The following MIPOL1 variants were observed in gnomAD, a reference collection of about 807,000 sequenced individuals.
The protein encoded by MIPOL1 is mirror-image polydactyly gene 1 protein.
A neutral mutation model predicts 60.9 loss-of-function variants in MIPOL1; 57 were observed. The observed-to-expected ratio is 0.94, with a 90% CI of 0.76 to 1.17. The LOEUF is 1.17. MIPOL1 is among the 50% of genes most tolerant of loss of function. The pLI, the probability that MIPOL1 is intolerant of heterozygous loss-of-function variation, is 0.00. For missense variants in MIPOL1, 551 were observed against 511.6 expected (o/e 1.08, Z -0.74); for synonymous variants, 179 against 168.8 (o/e 1.06, Z -0.47).
intron 7 of MIPOL1, among the ~76,000 whole-genome samples, chr14:37,298,184 AAAAC>A (rs1273473395): frequency 1.3e-5 from 2 of 152,200 alleles, no homozygotes; most frequent in Non-Finnish European, 2.9e-5. Context: ...AAACCTGAGA[AAAAC>A]AAGCAATGGG....
intron 12 of MIPOL1, among the ~76,000 whole-genome samples, chr14:37,542,538 G>A (rs1379806384): frequency 1.3e-5 from 2 of 151,994 alleles, no homozygotes; most frequent in Non-Finnish European, 2.9e-5. Flanking sequence ...TTATACCTGT[G>A]TGTTATTTCC....
intron 11 of MIPOL1, among the ~76,000 whole-genome samples, chr14:37,470,087 T>C (rs2153588351): frequency 6.6e-6 from 1 of 152,186 alleles, no homozygotes; most frequent in Middle Eastern, 3.4e-3. Flanking sequence ...TAGATGGTGA[T>C]GCCTAAGGAA....
chr14:37,398,562 C>T (rs748128149), intron 10 of MIPOL1, among the ~76,000 whole-genome samples: 12 of 152,150 alleles, frequency 7.9e-5, no homozygotes, highest in Non-Finnish European at 1.5e-4. Context: ...CAATAATAGC[C>T]ATTTTAGGCA....
At chr14:37,476,895 CT>C (rs869027204) in intron 11 of MIPOL1, among the ~76,000 whole-genome samples, 5,840 of 87,484 alleles carry the variant, frequency 0.067, 94 homozygotes, top group East Asian at 0.19. Context: ...CTTGTAATGT[CT>C]TTTTTTTTTT....
At chr14:37,514,184 GCTTTTCCCTT>G (rs2095351189) in intron 12 of MIPOL1, among the ~76,000 whole-genome samples, 1 of 152,068 alleles carries the variant, frequency 6.6e-6, no homozygotes, top group Admixed American at 6.6e-5. Flanking sequence ...TAACAGGTAC[GCTTTTCCCTT>G]CTTTTGTTCT....
chr14:37,212,809 G>C (rs1429752368), intron 1 of MIPOL1, among the ~76,000 whole-genome samples: 1 of 152,192 alleles, frequency 6.6e-6, no homozygotes, highest in African/African-American at 2.4e-5. Flanking sequence ...CATAGTCATA[G>C]TGGTGGTGGC....
chr14:37,371,826 G>A (rs1275860989), intron 10 of MIPOL1, among the ~76,000 whole-genome samples: 1 of 151,884 alleles, frequency 6.6e-6, no homozygotes, highest in Non-Finnish European at 1.5e-5. Context: ...TTTATTTGAT[G>A]CATTAATTAT....
At chr14:37,359,337 G>A (rs2092075690) in intron 9 of MIPOL1, among the ~76,000 whole-genome samples, 1 of 152,188 alleles carries the variant, frequency 6.6e-6, no homozygotes, top group African/African-American at 2.4e-5. Context: ...GGTTCCATAT[G>A]AACTTTAAAG....
At chr14:37,245,469 G>A (rs1317021525) in intron 1 of MIPOL1, among the ~76,000 whole-genome samples, 1 of 152,014 alleles carries the variant, frequency 6.6e-6, no homozygotes, top group Non-Finnish European at 1.5e-5. Context: ...GTGACATCAA[G>A]GGCAAAGCAA....
chr14:37,282,427 A>G (rs72671737), intron 6 of MIPOL1, among the ~76,000 whole-genome samples: 9,481 of 151,950 alleles, frequency 0.062, 549 homozygotes, highest in East Asian at 0.32. Context: ...ATTGTTGCAG[A>G]TTAATATACA....
chr14:37,543,540 G>A lies in MIPOL1; in HGVS notation c.1263-3365G>A, dbSNP rs563129933. ...GATCTGCCCGTCTCGGCCTCCCAAA[G>A]TGATGGGACTACAGGCGTGAGCCAC... is the stretch of plus-strand genomic sequence containing the variant. On this transcript the variant is annotated intron_variant, in intron 12 of 12. Transcript: ENST00000684589. Among the ~76,000 whole-genome samples, 16 of 152,314 alleles carry A rather than the reference G, an allele frequency of 1.1e-4. No individual in the cohort carries two copies. The East Asian group carries it at 3.1e-3, about 29-fold the overall frequency.
At chr14:37,286,257 A>T (rs2084556135) in intron 7 of MIPOL1, among the ~76,000 whole-genome samples, 1 of 152,200 alleles carries the variant, frequency 6.6e-6, no homozygotes, top group South Asian at 2.1e-4. Context: ...GGTGATTCTG[A>T]TAGGTAGATG....
At chr14:37,338,645 G>A (rs1170154337) in intron 9 of MIPOL1, among the ~76,000 whole-genome samples, 1 of 152,044 alleles carries the variant, frequency 6.6e-6, no homozygotes, top group Admixed American at 6.6e-5. Flanking sequence ...CTGGCCTCAA[G>A]TGATTTGCCT....
chr14:37,329,519 G>A (rs1178937783), intron 9 of MIPOL1, among the ~76,000 whole-genome samples: 1 of 152,090 alleles, frequency 6.6e-6, no homozygotes, highest in Non-Finnish European at 1.5e-5. Flanking sequence ...AATCTTAGAA[G>A]TTAGAGTTGC....
At chr14:37,199,468 C>A (rs2094598936) in intron 1 of MIPOL1, among the ~76,000 whole-genome samples, 1 of 151,878 alleles carries the variant, frequency 6.6e-6, no homozygotes. Context: ...TGGCTATTAC[C>A]AATAGGGCTG....
intron 1 of MIPOL1, among the ~76,000 whole-genome samples, chr14:37,246,108 C>T (rs1247619524): frequency 6.6e-6 from 1 of 151,954 alleles, no homozygotes; most frequent in Admixed American, 6.6e-5. Context: ...AAAGTCATAA[C>T]AGTATTGAAT....
chr14:37,250,642 C>T (rs920885415), intron 3 of MIPOL1, among the ~76,000 whole-genome samples: 3 of 152,130 alleles, frequency 2.0e-5, no homozygotes, highest in Non-Finnish European at 2.9e-5. Flanking sequence ...AATCTCACAT[C>T]GTCATCTCCC....
chr14:37,318,905 GT>G (rs2088247736), intron 9 of MIPOL1, among the ~76,000 whole-genome samples: 1 of 151,870 alleles, frequency 6.6e-6, no homozygotes, highest in Non-Finnish European at 1.5e-5. Context: ...CATGGCCGTG[GT>G]TCAGCTCACT....
chr14:37,394,084 A>ATATATATATATATATATATATC (rs1491106712), intron 10 of MIPOL1, among the ~76,000 whole-genome samples: 4 of 134,670 alleles, frequency 3.0e-5, no homozygotes, highest in African/African-American at 5.7e-5. Context: ...ATATATATAT[A>ATATATATATATATATATATATC]TCTCCATGTT....
Sources: gnomAD v4.1 joint callset for allele counts (sites outside exome capture counted in the v4.1 genomes callset) on GRCh38, gnomAD v4.1.1 for gene constraint, MANE v1.5 for transcripts, NCBI Gene and HGNC (gene_info 2026-07-23, HGNC 2026-07-21) for gene names.